TAC4: variants seen among roughly 807,000 people sequenced by gnomAD.
TAC4 encodes the protein tachykinin-4.
Under a neutral mutation model 17.7 loss-of-function variants are expected in TAC4, and 17 were observed. The observed-to-expected ratio is 0.96, with a 90% CI of 0.66 to 1.44. The LOEUF is 1.44. Ranked by LOEUF, TAC4 falls within the 40% of genes most tolerant of loss-of-function variation. TAC4 has a pLI of 0.00. For missense variants in TAC4, 118 were observed against 125.6 expected, an observed-to-expected ratio of 0.94 and a Z score of 0.29; for synonymous variants, 62 against 52.4, an observed-to-expected ratio of 1.18 and a Z score of -0.79.
chr17:49,844,152 G>A lies in TAC4; in HGVS notation c.111C>T (p.Gly37=), dbSNP rs370585916. The A allele has an allele frequency of 9.4e-5, 152 of 1,613,512 alleles. No homozygotes were observed. The highest frequency in any genetic ancestry group is 1.2e-4 in the Non-Finnish European group (140 of 1,179,642). ...TLSTEAETWE[G]AGPSIQLQLQ... is the part of the protein sequence containing the mutation. Reference sequence around the variant, plus strand: ...GCTGGAGCTGAATGCTGGGGCCAGCGCCTTCCTGAAGAAGCAGAGAGTTAG... The same window carrying A: ...GCTGGAGCTGAATGCTGGGGCCAGCACCTTCCTGAAGAAGCAGAGAGTTAG... The change falls in exon 2 of 5, where the codon GGC becomes GGT. Residue 37 remains glycine, a synonymous_variant. Coordinates refer to ENST00000436235, the MANE Select transcript of TAC4 (RefSeq NM_001077506.2).
chr17:49,838,700 T>C (rs1184467661), intron 4 of TAC4, 27 bp from the exon 5 acceptor site: 13 of 1,609,356 alleles, frequency 8.1e-6, no homozygotes, highest in Admixed American at 6.8e-5. Context: ...ATATGAACCA[T>C]GGTTAGTCGG....
intron 1 of TAC4, chr17:49,847,696 C>CACACACACACACAG: frequency 3.8e-6 from 1 of 264,908 alleles, no homozygotes; most frequent in South Asian, 5.0e-5. Context: ...CACACAGACA[C>CACACACACACACAG]ACACACACAC....
intron 3 of TAC4, 32 bp from the exon 4 acceptor site, chr17:49,839,941 A>C (rs772221582): frequency 6.2e-7 from 1 of 1,606,802 alleles, no homozygotes; most frequent in Non-Finnish European, 8.5e-7. Flanking sequence ...GGTAGAGGAG[A>C]GAGGCAGCAG....
chr17:49,844,559 A>G (rs1049513660), intron 1 of TAC4, among the ~76,000 whole-genome samples: 2 of 152,016 alleles, frequency 1.3e-5, no homozygotes. Context: ...GGAGTTCGAG[A>G]CCAGCCTGGC....
intron 1 of TAC4, 107 bp from the exon 2 acceptor site, chr17:49,844,264 C>T: frequency 1.0e-6 from 1 of 1,003,424 alleles, no homozygotes; most frequent in South Asian, 1.3e-5. Context: ...TCAGCAGAGA[C>T]TTGCTGTGCA....
At chr17:49,847,006 C>A in intron 1 of TAC4, 1 of 1,290,148 alleles carries the variant, frequency 7.8e-7, no homozygotes, top group Non-Finnish European at 1.0e-6. Flanking sequence ...CTCCTCACTG[C>A]ACACACTTCC....
intron 1 of TAC4, chr17:49,846,133 T>G (rs1011757053): frequency 1.1e-4 from 123 of 1,106,570 alleles, no homozygotes; most frequent in Middle Eastern, 2.3e-4. Flanking sequence ...GGTTTCCCAT[T>G]CACTCCGACA....
At chr17:49,846,653 C>G (rs771654335) in intron 1 of TAC4, among the ~76,000 whole-genome samples, 29 of 152,152 alleles carry the variant, frequency 1.9e-4, no homozygotes, top group Non-Finnish European at 1.6e-4. Context: ...CTCCCATATT[C>G]CAAGCCCTGT....
At chr17:49,846,002 C>T (rs1222911398) in intron 1 of TAC4, 2 of 244,458 alleles carry the variant, frequency 8.2e-6, no homozygotes, top group Admixed American at 1.2e-4. Flanking sequence ...AACCACTTTG[C>T]CTTGGTAAGA....
chr17:49,840,361 A>G (rs1431449765), intron 3 of TAC4, among the ~76,000 whole-genome samples: 1 of 152,176 alleles, frequency 6.6e-6, no homozygotes, highest in South Asian at 2.1e-4. Context: ...TACGGCAGGC[A>G]GTCAGGGAAG....
At position 49,841,714 on chromosome 17, in the gene TAC4, CA is replaced by C. The variant is rs2074499711; in HGVS notation, c.200-131del. 6 of 901,940 alleles carry C rather than the reference CA, an allele frequency of 6.7e-6. No individual in the cohort carries two copies. The East Asian group carries it at 1.9e-4, about 28-fold the overall frequency. The allele number at this position is 901,940 out of a possible 1,614,324, so 55.9% of individuals were successfully genotyped here. A position where few individuals can be genotyped will look rare whatever the true frequency, so the allele number is the denominator to read the frequency against. On this transcript the variant is annotated intron_variant, in intron 2 of 4. Transcript: ENST00000436235. ...TCTTCAGTAGAATTCTAGTCATCCC[CA>C]GTTATCCTCTGTGGCAGTAGGAATG...
chr17:49,841,901 CTTTTTTTTTT>C, intron 2 of TAC4, among the ~76,000 whole-genome samples: 1 of 99,134 alleles, frequency 1.0e-5, no homozygotes, highest in African/African-American at 3.9e-5. Flanking sequence ...GAGATTTAAT[CTTTTTTTTTT>C]TTTTTTTTTT....
At chr17:49,844,735 G>A (rs529885617) in intron 1 of TAC4, among the ~76,000 whole-genome samples, 21 of 152,326 alleles carry the variant, frequency 1.4e-4, no homozygotes, top group Admixed American at 2.6e-4. Context: ...TCCAGCCTAG[G>A]TGACAGAGCA....
intron 4 of TAC4, among the ~76,000 whole-genome samples, chr17:49,839,260 G>A (rs1021694959): frequency 6.6e-6 from 1 of 152,104 alleles, no homozygotes; most frequent in African/African-American, 2.4e-5. Context: ...GTGACCTGCC[G>A]GGGCGCCCAC....
At chr17:49,847,447 C>T (rs2074551273) in intron 1 of TAC4, 1 of 409,426 alleles carries the variant, frequency 2.4e-6, no homozygotes, top group African/African-American at 2.1e-5. Context: ...CTCAGATGCA[C>T]AGATACACAG....
chr17:49,843,043 C>G (rs1299033882), intron 2 of TAC4, among the ~76,000 whole-genome samples: 1 of 152,200 alleles, frequency 6.6e-6, no homozygotes, highest in African/African-American at 2.4e-5. Flanking sequence ...CTTGCTATTA[C>G]AAGCATGTTG....
intron 1 of TAC4, among the ~76,000 whole-genome samples, chr17:49,845,168 G>A (rs1313195807): frequency 6.6e-6 from 1 of 152,196 alleles, no homozygotes; most frequent in East Asian, 1.9e-4. Context: ...TTCCCCCATT[G>A]TCCCAGATTT....
chr17:49,838,813 G>T, intron 4 of TAC4, 140 bp from the exon 5 acceptor site: 1 of 774,518 alleles, frequency 1.3e-6, no homozygotes, highest in South Asian at 1.9e-5. Flanking sequence ...CTAGGGCAAT[G>T]GGATTACAGG....
At chr17:49,839,794 A>C in intron 4 of TAC4, 56 bp downstream of exon 4, 1 of 1,536,090 alleles carries the variant, frequency 6.5e-7, no homozygotes. Flanking sequence ...ACTGGCAGCA[A>C]AGTGTCTGGC....
Sources: gnomAD v4.1 joint callset for allele counts (sites outside exome capture counted in the v4.1 genomes callset) on GRCh38, gnomAD v4.1.1 for gene constraint, MANE v1.5 for transcripts, NCBI Gene and HGNC (gene_info 2026-07-23, HGNC 2026-07-21) for gene names.